Variants in LRP2 observed in about 807,000 individuals in gnomAD.
The protein encoded by LRP2 is LDL receptor related protein 2.
LRP2 carries 172 observed loss-of-function variants against 531.0 expected under a neutral mutation model. That is an observed-to-expected ratio of 0.32 (90% CI 0.29 to 0.37). LRP2 has a LOEUF of 0.37. Among genes scored for constraint, LRP2 ranks in the 10% least tolerant of loss-of-function variants. The probability of loss-of-function intolerance (pLI) is 1.00; values close to 1 mark genes in which losing one functional copy is unlikely to be tolerated. For synonymous variants in LRP2, 1,992 were observed against 2,027.6 expected, an observed-to-expected ratio of 0.98 and a Z score of 0.47; for missense variants, 5,167 against 5,868.3, an observed-to-expected ratio of 0.88 and a Z score of 3.90.
chr2:169,274,462 A>G (rs1427332340), intron 14 of LRP2, among the ~76,000 whole-genome samples: 1 of 152,168 alleles, frequency 6.6e-6, no homozygotes, highest in Non-Finnish European at 1.5e-5. Flanking sequence ...ATAACAGGAG[A>G]AGACTAAGCA....
rs1687203427 is a variant in LRP2, at chr2:169,176,581, A to G, written c.10401T>C (p.Asn3467=). The change falls in exon 54 of 79, where the codon AAT becomes AAC. Residue 3467 remains asparagine (N), a synonymous_variant. Coordinates refer to ENST00000649046, the MANE Select transcript of LRP2 (RefSeq NM_004525.3). ...AGCCACCATTGTTGGTACCACAGGG[A>G]TTGCTCACTAGTGGAAAAGGAAGAA... ...YHPYRQPIVS[N]PCGTNNGGCS... 6.2e-7 allele frequency: 1 copy of G among 1,614,016 alleles called. No homozygotes were observed. The highest frequency in any genetic ancestry group is 8.5e-7 in the Non-Finnish European group (1 of 1,180,004).
chr2:169,280,657 G>T, intron 10 of LRP2, 138 bp from the exon 11 acceptor site: 1 of 880,382 alleles, frequency 1.1e-6, no homozygotes, highest in Non-Finnish European at 1.8e-6. Flanking sequence ...AAACCTCTGA[G>T]GCAGACAGAT....
chr2:169,192,707 G>A (rs372267141), intron 47 of LRP2, among the ~76,000 whole-genome samples: 23 of 152,274 alleles, frequency 1.5e-4, no homozygotes, highest in African/African-American at 5.1e-4. Flanking sequence ...AAGAACAGGG[G>A]TTTTATCCAG....
rs773544788 is a variant in LRP2, at chr2:169,362,423, C to T, written c.-24G>A. ...ATCTCCGCGACGGTCCCCGGCCTCG[C>T]CGTTCCTTCCCCGGGAGGTGGGCGC... is the stretch of plus-strand genomic sequence containing the variant. On this transcript the variant is annotated 5_prime_UTR_variant, in exon 1 of 79. Coordinates refer to ENST00000649046, the MANE Select transcript of LRP2 (RefSeq NM_004525.3). 5 of 1,544,144 alleles carry T rather than the reference C, an allele frequency of 3.2e-6. No individual in the cohort carries two copies. The highest frequency in any genetic ancestry group is 4.4e-6 in the Non-Finnish European group (5 of 1,146,436).
At chr2:169,308,123 G>T (rs1290435907) in intron 3 of LRP2, among the ~76,000 whole-genome samples, 1 of 151,964 alleles carries the variant, frequency 6.6e-6, no homozygotes, top group South Asian at 2.1e-4. Context: ...AAGAGCTTTG[G>T]GGGAAAACGT....
chr2:169,183,576 C>T (rs184725604), intron 50 of LRP2, among the ~76,000 whole-genome samples: 1 of 152,326 alleles, frequency 6.6e-6, no homozygotes, highest in African/African-American at 2.4e-5. Flanking sequence ...TCCTGGCAGA[C>T]TGGCTACCCC....
rs2239601 is a variant in LRP2, at chr2:169,169,008, G to A, written c.11498-332C>T. On this transcript the variant is annotated intron_variant, in intron 60 of 78. Transcript: ENST00000649046. ...TCATCAACGATAACCATCATGGATGGTTATCATGGATGATGGTTATTGTTG... is the reference window on the plus strand; with the variant it reads ...TCATCAACGATAACCATCATGGATGATTATCATGGATGATGGTTATTGTTG... 0.24 allele frequency among the ~76,000 whole-genome samples: 35,826 copies of A among 152,072 alleles called. 4,399 individuals are homozygous for A. Among genetic ancestry groups the A allele is most frequent in the East Asian group, 0.36 (1,859 of 5,162 alleles).
intron 16 of LRP2, among the ~76,000 whole-genome samples, chr2:169,263,214 G>A (rs2105420665): frequency 6.6e-6 from 1 of 152,190 alleles, no homozygotes; most frequent in African/African-American, 2.4e-5. Context: ...AACACCAAAA[G>A]CAATGGCAAC....
rs1417989298 is a variant in LRP2, at chr2:169,185,657, C to T, written c.9691G>A (p.Ala3231Thr). ...LILEGLDNVV[A>T]LDFDRVEKRL... is the part of the protein sequence containing the mutation. ...TTCTCTACTCGGTCAAAATCTAATG[C>T]CACAACATTGTCCAGTCCTTCCAAG... Residue 3231 changes from alanine (A) to threonine (T), a missense_variant, in exon 50 of 79, where the codon GCA becomes ACA. Physicochemically the swap from Ala to Thr is moderately conservative, Grantham distance 58. Coordinates refer to ENST00000649046, the MANE Select transcript of LRP2 (RefSeq NM_004525.3). 6.2e-7 allele frequency: 1 copy of T among 1,614,152 alleles called. No individual in the cohort carries two copies. The highest frequency in any genetic ancestry group is 1.7e-5 in the Admixed American group (1 of 60,008).
intron 34 of LRP2, among the ~76,000 whole-genome samples, chr2:169,219,142 T>C (rs1553498846): frequency 1.3e-5 from 2 of 152,130 alleles, no homozygotes; most frequent in African/African-American, 2.4e-5. Flanking sequence ...AAAGAATAAC[T>C]GAAAACTAGT....
At chr2:169,206,299 G>A (rs752398980) in intron 39 of LRP2, 31 bp downstream of exon 39, 154 of 1,611,158 alleles carry the variant, frequency 9.6e-5, no homozygotes, top group South Asian at 6.6e-5. Context: ...GTGTCTACTT[G>A]CAGGACAAGC....
At chr2:169,178,796 C>T (rs537608137) in intron 52 of LRP2, among the ~76,000 whole-genome samples, 81 of 152,080 alleles carry the variant, frequency 5.3e-4, no homozygotes, top group African/African-American at 1.5e-3. Flanking sequence ...GGAACAGATC[C>T]TAAAACTCAA....
At chr2:169,228,477 C>G (rs72876258) in intron 31 of LRP2, among the ~76,000 whole-genome samples, 2 of 152,270 alleles carry the variant, frequency 1.3e-5, no homozygotes, top group East Asian at 3.9e-4. Flanking sequence ...TACTCACTTA[C>G]GTAAGATCTG....
At chr2:169,292,159 C>T in intron 7 of LRP2, 94 bp downstream of exon 7, 2 of 989,394 alleles carry the variant, frequency 2.0e-6, no homozygotes, top group Non-Finnish European at 3.2e-6. Flanking sequence ...GCTTGCTTGT[C>T]ACACAAAATT....
chr2:169,241,334 A>T lies in LRP2; in HGVS notation c.3699T>A (p.Asp1233Glu). The T allele has an allele frequency of 6.2e-7, 1 of 1,614,192 alleles. No homozygotes were observed. Among genetic ancestry groups the T allele is most frequent in the Non-Finnish European group, 8.5e-7 (1 of 1,180,040 alleles). ...TACCATCTTCTTGGCACTGAAATTC[A>T]TCTGAGTGGCACATACCAGGAGGCC... ...PTRPPGMCHS[D>E]EFQCQEDGIC... is the part of the protein sequence containing the mutation. The change falls in exon 25 of 79, where the codon GAT (aspartate) becomes GAA (glutamate). Residue 1233 changes from aspartate to glutamate, a missense_variant. Asp to Glu is a conservative substitution (Grantham distance 45). This residue lies in a region of LRP2 where 2,811 missense variants were observed against 3,058.0 expected (regional missense o/e 0.92). Transcript: ENST00000649046.
intron 48 of LRP2, among the ~76,000 whole-genome samples, chr2:169,189,876 G>T (rs1687771780): frequency 1.3e-5 from 2 of 152,030 alleles, no homozygotes; most frequent in African/African-American, 4.8e-5. Context: ...AAGAGAGAGA[G>T]AAAGGGAGGG....
chr2:169,185,391 A>T, intron 50 of LRP2, 112 bp downstream of exon 50: 2 of 972,834 alleles, frequency 2.1e-6, no homozygotes, highest in Non-Finnish European at 3.1e-6. Flanking sequence ...CAGAAACATT[A>T]AATGTATCTG....
intron 17 of LRP2, among the ~76,000 whole-genome samples, chr2:169,258,661 A>G (rs1345789666): frequency 6.6e-6 from 1 of 152,248 alleles, no homozygotes; most frequent in South Asian, 2.1e-4. Flanking sequence ...TAAGCTTTAT[A>G]TAAATATATT....
chr2:169,282,759 T>A, intron 10 of LRP2, 114 bp downstream of exon 10: 1 of 1,190,526 alleles, frequency 8.4e-7, no homozygotes, highest in South Asian at 1.2e-5. Flanking sequence ...TTTGTAATGA[T>A]AAAGCCCTGC....
Sources: gnomAD v4.1 joint callset for allele counts (sites outside exome capture counted in the v4.1 genomes callset) on GRCh38, gnomAD v4.1.1 for gene constraint, gnomAD v4.1.1 regional missense constraint, MANE v1.5 for transcripts, NCBI Gene and HGNC (gene_info 2026-07-23, HGNC 2026-07-21) for gene names.